Variants in MYOM3 observed in about 807,000 individuals in gnomAD.
MYOM3 encodes the protein myomesin-3.
In MYOM3, 155 loss-of-function variants were observed where a neutral mutation model predicts 191.7. That is an observed-to-expected ratio of 0.81 (90% CI 0.71 to 0.92). The LOEUF (loss-of-function observed/expected upper bound fraction) is 0.92. Among genes scored for constraint, MYOM3 ranks in the 40% least tolerant of loss-of-function variants. MYOM3 has a pLI of 0.00. For missense variants in MYOM3, 1,889 were observed against 1,890.6 expected, an observed-to-expected ratio of 1.00 and a Z score of 0.02; for synonymous variants, 757 against 762.9, an observed-to-expected ratio of 0.99 and a Z score of 0.13.
intron 11 of MYOM3, 65 bp downstream of exon 11, chr1:24,092,109 T>C: frequency 7.3e-7 from 1 of 1,367,732 alleles, no homozygotes; most frequent in Non-Finnish European, 9.6e-7. Flanking sequence ...TCCTCTTTGC[T>C]GTGGCTCCCA....
intron 9 of MYOM3, 28 bp downstream of exon 9, chr1:24,094,825 G>T: frequency 6.3e-7 from 1 of 1,595,752 alleles, no homozygotes; most frequent in Non-Finnish European, 8.5e-7. Flanking sequence ...AGCTCTGGAG[G>T]CTGGGGGCCA....
Position 24,084,449 on chromosome 1 carries a change from T to C in MYOM3, c.1970+19A>G. The C allele has an allele frequency of 6.2e-7, 1 of 1,613,832 alleles. No individual in the cohort carries two copies. The highest frequency in any genetic ancestry group is 8.5e-7 in the Non-Finnish European group (1 of 1,179,720). On this transcript the variant is annotated intron_variant, in intron 16 of 36. Transcript: ENST00000374434. ...TTATAGCAGTGTGAGAACAGACTGA[T>C]ACGGGTGGGCAGACGTACCTGGTGC...
Position 24,057,154 on chromosome 1 carries a change from G to A in MYOM3, c.*210C>T, listed in dbSNP as rs1314308948. The A allele has an allele frequency of 3.1e-5, 18 of 582,222 alleles. No homozygotes were observed. Among genetic ancestry groups the A allele is most frequent in the African/African-American group, 9.3e-5 (5 of 53,570 alleles). 36.1% of individuals were successfully genotyped at this position (582,222 alleles called of 1,614,324 possible). On this transcript the variant is annotated 3_prime_UTR_variant, in exon 37 of 37. Transcript: ENST00000374434. Reference sequence around the variant, plus strand: ...CTACTCCAGGTCCAGGGTTCATCCCGCTCTCCTGGAAGCCACTCAGGACCC... The same window carrying A: ...CTACTCCAGGTCCAGGGTTCATCCCACTCTCCTGGAAGCCACTCAGGACCC...
intron 27 of MYOM3, 83 bp downstream of exon 27, chr1:24,067,886 TG>T: frequency 7.3e-7 from 1 of 1,372,626 alleles, no homozygotes; most frequent in Non-Finnish European, 1.0e-6. Context: ...CCAGCAGGGC[TG>T]GGGTTCCCAT....
intron 1 of MYOM3, 60 bp from the exon 2 acceptor site, chr1:24,108,714 G>A: frequency 7.6e-7 from 1 of 1,323,906 alleles, no homozygotes. Context: ...CTCCCATGCA[G>A]TCTTCCCAAC....
intron 25 of MYOM3, among the ~76,000 whole-genome samples, chr1:24,070,579 T>G (rs1463254035): frequency 2.0e-5 from 3 of 151,958 alleles, no homozygotes; most frequent in Non-Finnish European, 4.4e-5. Context: ...CAAAGTGAGG[T>G]TCTGTCTCAA....
intron 27 of MYOM3, among the ~76,000 whole-genome samples, chr1:24,067,358 T>TTC (rs1468741794): frequency 0.014 from 1,357 of 97,042 alleles, 185 homozygotes; most frequent in African/African-American, 0.064. Flanking sequence ...CTTTCTTTCT[T>TTC]TCTTTCTTTC....
rs56001006 is a variant in MYOM3, at chr1:24,085,109, A to AATGGATGG, written c.1799-478_1799-471dup. Among the ~76,000 whole-genome samples the AATGGATGG allele has an allele frequency of 7.0e-3, 1,033 of 147,982 alleles. 4 individuals are homozygous for AATGGATGG. Among genetic ancestry groups the AATGGATGG allele is most frequent in the African/African-American group, 0.016 (623 of 39,692 alleles). On this transcript the variant is annotated intron_variant, in intron 15 of 36. Coordinates refer to ENST00000374434, the MANE Select transcript of MYOM3 (RefSeq NM_152372.4). ...GGATGGATGGATGGTTGGTTGGATG[A>AATGGATGG]ATGGATGGATGGATGGATGGATGGA...
chr1:24,061,297 G>A lies in MYOM3; in HGVS notation c.3947C>T (p.Ala1316Val). 2 of 1,614,050 alleles carry A rather than the reference G, an allele frequency of 1.2e-6. No homozygotes were observed. The highest frequency in any genetic ancestry group is 1.7e-6 in the Non-Finnish European group (2 of 1,179,960). ...CTTCAGTCTCTGGTGTTCAGCCATT[G>A]CATCCTCAAAAGCTATAAGAAGGAC... ...TDLSGQAFED[A>V]MAEHQRLKTL... Residue 1316 changes from alanine to valine, a missense_variant, in exon 34 of 37, where the codon GCA (alanine) becomes GTA (valine). By Grantham distance (64) the Ala-to-Val change is moderately conservative. Transcript: ENST00000374434.
chr1:24,097,734 G>T (rs1335789739), intron 7 of MYOM3, among the ~76,000 whole-genome samples, 189 bp downstream of exon 7: 1 of 152,226 alleles, frequency 6.6e-6, no homozygotes, highest in African/African-American at 2.4e-5. Context: ...GCTGATGGAG[G>T]AGACTATCGC....
chr1:24,068,424 TAC>T, intron 25 of MYOM3, 57 bp from the exon 26 acceptor site: 1 of 1,604,830 alleles, frequency 6.2e-7, no homozygotes, highest in Non-Finnish European at 8.5e-7. Flanking sequence ...TGTTGTGGGG[TAC>T]ACATCAGAGT....
chr1:24,096,793 T>C (rs539424643), intron 7 of MYOM3, among the ~76,000 whole-genome samples: 1 of 152,268 alleles, frequency 6.6e-6, no homozygotes, highest in Non-Finnish European at 1.5e-5. Flanking sequence ...GTCCTGGAAC[T>C]CAGGGCACGG....
chr1:24,081,793 C>T (rs1643672809), intron 18 of MYOM3: 3 of 608,932 alleles, frequency 4.9e-6, no homozygotes, highest in Middle Eastern at 4.4e-4. Context: ...AACTCCCAAA[C>T]TCCTGAGCTC....
At chr1:24,070,557 T>C (rs1643518163) in intron 25 of MYOM3, among the ~76,000 whole-genome samples, 1 of 152,102 alleles carries the variant, frequency 6.6e-6, no homozygotes, top group Non-Finnish European at 1.5e-5. Flanking sequence ...CACTGCACTT[T>C]AGCCATGGTG....
chr1:24,072,851 G>C (rs896393063), intron 23 of MYOM3, among the ~76,000 whole-genome samples: 1 of 152,126 alleles, frequency 6.6e-6, no homozygotes, highest in Admixed American at 6.6e-5. Context: ...CTGCTTCTTC[G>C]TGTTGCCTTT....
At position 24,089,422 on chromosome 1, in the gene MYOM3, C is replaced by T. The variant is rs149226983; in HGVS notation, c.1614+116G>A. ...TGTGTAGGGCCATGCCTGGGCCCTT[C>T]TGGCCAGGGGATTCTCTTTCATTCT... On this transcript the variant is annotated intron_variant, in intron 14 of 36. Coordinates refer to ENST00000374434, the MANE Select transcript of MYOM3 (RefSeq NM_152372.4). 8,880 of 1,361,672 alleles carry T rather than the reference C, an allele frequency of 6.5e-3. 34 individuals carry two copies. The highest frequency in any genetic ancestry group is 7.7e-3 in the Non-Finnish European group (7,940 of 1,030,674). The allele number at this position is 1,361,672 out of a possible 1,614,324, so 84.3% of individuals were successfully genotyped here.
chr1:24,106,159 C>T (rs922139363), intron 4 of MYOM3, 82 bp from the exon 5 acceptor site: 5 of 1,439,224 alleles, frequency 3.5e-6, no homozygotes, highest in Non-Finnish European at 4.6e-6. Context: ...CCACTGACAC[C>T]CAGACTCTGT....
intron 11 of MYOM3, among the ~76,000 whole-genome samples, chr1:24,091,377 T>G (rs1438421262): frequency 6.6e-6 from 1 of 152,172 alleles, no homozygotes; most frequent in Non-Finnish European, 1.5e-5. Flanking sequence ...CAGTTAGGAT[T>G]TACCTGAGCT....
At chr1:24,099,207 A>G (rs913465147) in intron 6 of MYOM3, among the ~76,000 whole-genome samples, 12 of 152,168 alleles carry the variant, frequency 7.9e-5, no homozygotes, top group East Asian at 1.9e-4. Flanking sequence ...ACTCTCTCCC[A>G]TGTCACTGCT....
Sources: gnomAD v4.1 joint callset for allele counts (sites outside exome capture counted in the v4.1 genomes callset) on GRCh38, gnomAD v4.1.1 for gene constraint, MANE v1.5 for transcripts, NCBI Gene and HGNC (gene_info 2026-07-23, HGNC 2026-07-21) for gene names.